Variants in CACNA1D observed in about 807,000 individuals in gnomAD.
CACNA1D encodes voltage-dependent L-type calcium channel subunit alpha-1D.
CACNA1D carries 55 observed loss-of-function variants against 257.1 expected under a neutral mutation model. The ratio of observed to expected loss-of-function variants is 0.21; its 90% CI spans 0.17 to 0.27. The LOEUF is 0.27. Ranked by LOEUF, CACNA1D falls within the 10% of genes least tolerant of loss-of-function variation. The pLI is 1.00. For missense variants in CACNA1D, 1,876 were observed against 2,784.0 expected, an observed-to-expected ratio of 0.67 and a Z score of 7.34; for synonymous variants, 980 against 1,014.9, an observed-to-expected ratio of 0.97 and a Z score of 0.65.
chr3:53,706,285 C>T (rs970355166), intron 9 of CACNA1D, among the ~76,000 whole-genome samples: 1 of 152,210 alleles, frequency 6.6e-6, no homozygotes. Context: ...GAGCCTCAGC[C>T]TAGATGAGCA....
At chr3:53,536,726 T>C (rs190165876) in intron 3 of CACNA1D, among the ~76,000 whole-genome samples, 18 of 152,372 alleles carry the variant, frequency 1.2e-4, no homozygotes, top group Non-Finnish European at 2.4e-4. Flanking sequence ...ACATTTCAGT[T>C]ACCATAAGTA....
intron 8 of CACNA1D, among the ~76,000 whole-genome samples, chr3:53,684,336 G>A (rs1446752851): frequency 6.6e-6 from 1 of 152,118 alleles, no homozygotes; most frequent in Non-Finnish European, 1.5e-5. Context: ...AAAACGAGGA[G>A]CATGGCCGGG....
intron 44 of CACNA1D, among the ~76,000 whole-genome samples, chr3:53,803,856 G>A (rs2095548542): frequency 2.0e-5 from 3 of 152,226 alleles, no homozygotes; most frequent in Admixed American, 2.0e-4. Context: ...TCGTGGCTGG[G>A]TTAATGCCTT....
chr3:53,619,537 G>A (rs149921334), intron 3 of CACNA1D, among the ~76,000 whole-genome samples: 1 of 152,344 alleles, frequency 6.6e-6, no homozygotes, highest in African/African-American at 2.4e-5. Context: ...AGATGGCTAA[G>A]CGGGTGCTGT....
chr3:53,576,042 C>T (rs2093031600), intron 3 of CACNA1D, among the ~76,000 whole-genome samples: 1 of 152,260 alleles, frequency 6.6e-6, no homozygotes, highest in African/African-American at 2.4e-5. Flanking sequence ...TTCCCTCTCT[C>T]CGTTGATGCT....
At position 53,509,187 on chromosome 3, in the gene CACNA1D, G is replaced by A. The variant is rs371305480; in HGVS notation, c.483+7467G>A. On this transcript the variant is annotated intron_variant, in intron 3 of 47. Coordinates refer to ENST00000350061, the MANE Select transcript of CACNA1D (RefSeq NM_001128840.3). ...GGTGTTTGGCTGGGCAGGCAAAGCC[G>A]GAAATGGGTGGTATGGAGGAAGAAA... Among the ~76,000 whole-genome samples, 15 of 150,202 alleles carry A rather than the reference G, an allele frequency of 1.0e-4. No homozygotes were observed. The East Asian group carries it at 1.7e-3, about 17-fold the overall frequency.
chr3:53,666,005 G>A (rs1477210707), intron 6 of CACNA1D, among the ~76,000 whole-genome samples, 193 bp downstream of exon 6: 3 of 152,052 alleles, frequency 2.0e-5, no homozygotes, highest in Admixed American at 6.5e-5. Flanking sequence ...TTTCCACCCC[G>A]ATTTCCTGTG....
At chr3:53,770,352 G>C (rs545030678) in intron 31 of CACNA1D, 72 bp from the exon 32 acceptor site, 4 of 1,414,102 alleles carry the variant, frequency 2.8e-6, no homozygotes, top group Non-Finnish European at 3.0e-6. Context: ...CTTTGCATCT[G>C]TTGCTGTTTT....
chr3:53,601,132 C>T (rs938601687), intron 3 of CACNA1D, among the ~76,000 whole-genome samples: 2 of 152,176 alleles, frequency 1.3e-5, no homozygotes, highest in Non-Finnish European at 2.9e-5. Context: ...GTGCCCCCTT[C>T]GGAGACCGGT....
intron 15 of CACNA1D, among the ~76,000 whole-genome samples, chr3:53,728,715 G>C (rs142545056): frequency 2.1e-3 from 326 of 152,306 alleles, no homozygotes; most frequent in African/African-American, 7.6e-3. Context: ...ACATGCCACT[G>C]TATCAGAGGT....
Position 53,717,792 on chromosome 3 carries a change from ATGT to A in CACNA1D, c.1391-505_1391-503del, listed in dbSNP as rs547407952. Among the ~76,000 whole-genome samples the A allele has an allele frequency of 7.9e-5, 12 of 152,264 alleles. No individual in the cohort carries two copies. The South Asian group carries it at 2.5e-3, about 32-fold the overall frequency. ...AAAATAGAGTTCTTAACTCTAAAAA[ATGT>A]TGTGCATGGTACCTTCATGCACTGC... On this transcript the variant is annotated intron_variant, in intron 9 of 47. Transcript: ENST00000350061.
intron 3 of CACNA1D, among the ~76,000 whole-genome samples, chr3:53,586,443 T>TC: frequency 6.6e-6 from 1 of 151,968 alleles, no homozygotes; most frequent in East Asian, 1.9e-4. Context: ...CTCACCTATT[T>TC]TTTTTTTTGT....
intron 3 of CACNA1D, among the ~76,000 whole-genome samples, chr3:53,593,503 G>A (rs1014001411): frequency 3.3e-5 from 5 of 152,184 alleles, no homozygotes; most frequent in African/African-American, 1.2e-4. Context: ...TACACCCCAA[G>A]CCTGGTGTGT....
At chr3:53,623,945 T>G (rs1437696854) in intron 3 of CACNA1D, among the ~76,000 whole-genome samples, 1 of 152,192 alleles carries the variant, frequency 6.6e-6, no homozygotes, top group African/African-American at 2.4e-5. Context: ...GCAGAGTTCA[T>G]AAATAATTTA....
intron 3 of CACNA1D, among the ~76,000 whole-genome samples, chr3:53,632,897 C>A (rs2093838172): frequency 6.6e-6 from 1 of 152,122 alleles, no homozygotes; most frequent in South Asian, 2.1e-4. Context: ...TCATAGATCA[C>A]CGTACCAGAT....
At chr3:53,500,254 A>G (rs931228391) in intron 2 of CACNA1D, among the ~76,000 whole-genome samples, 114 of 10,980 alleles carry the variant, frequency 0.01, 1 homozygote, top group African/African-American at 0.016. Context: ...TGTCTCTACT[A>G]AAAAAAAAAA....
chr3:53,504,812 A>T (rs1330247653), intron 3 of CACNA1D, among the ~76,000 whole-genome samples: 1 of 152,156 alleles, frequency 6.6e-6, no homozygotes, highest in Non-Finnish European at 1.5e-5. Context: ...TCAGTTTCTT[A>T]TAAGCAAACC....
intron 3 of CACNA1D, among the ~76,000 whole-genome samples, chr3:53,514,116 C>T (rs780840274): frequency 3.3e-4 from 50 of 152,068 alleles, no homozygotes; most frequent in Non-Finnish European, 6.3e-4. Context: ...AAGGGAGATA[C>T]TGTTAAAAAA....
At chr3:53,551,044 C>G (rs1575835340) in intron 3 of CACNA1D, among the ~76,000 whole-genome samples, 2 of 152,144 alleles carry the variant, frequency 1.3e-5, no homozygotes, top group Admixed American at 1.3e-4. Context: ...TGGGGTATTT[C>G]TATGCCAAAA....
Sources: allele counts gnomAD v4.1 joint callset (sites outside exome capture counted in the v4.1 genomes callset), GRCh38; gene constraint gnomAD v4.1.1; transcripts MANE v1.5; gene names NCBI Gene and HGNC (gene_info 2026-07-23, HGNC 2026-07-21).